The following MYLK4 variants were observed in gnomAD, a reference collection of about 807,000 sequenced individuals.
MYLK4 encodes myosin light chain kinase family member 4.
In MYLK4, 46 loss-of-function variants were observed where a neutral mutation model predicts 48.1. That is an observed-to-expected ratio of 0.96 (90% CI 0.75 to 1.22). The LOEUF (loss-of-function observed/expected upper bound fraction) is 1.22. Among genes scored for constraint, MYLK4 ranks in the 50% most tolerant of loss-of-function variants. The pLI, the probability that MYLK4 is intolerant of heterozygous loss-of-function variation, is 0.00. For synonymous variants in MYLK4, 170 were observed against 180.8 expected, an observed-to-expected ratio of 0.94 and a Z score of 0.48; for missense variants, 451 against 486.1, an observed-to-expected ratio of 0.93 and a Z score of 0.68.
intron 10 of MYLK4, among the ~76,000 whole-genome samples, chr6:2,676,131 A>G (rs1054882777): frequency 1.3e-5 from 2 of 152,108 alleles, no homozygotes; most frequent in Admixed American, 1.3e-4. Context: ...CAAACAAACA[A>G]AAAACCTGTA....
At chr6:2,715,455 C>G (rs1762834300) in intron 2 of MYLK4, among the ~76,000 whole-genome samples, 1 of 152,112 alleles carries the variant, frequency 6.6e-6, no homozygotes, top group Non-Finnish European at 1.5e-5. Context: ...CCAATTTCAT[C>G]TATGTTGCTG....
chr6:2,744,495 G>A (rs1417474214), intron 2 of MYLK4, among the ~76,000 whole-genome samples: 3 of 152,170 alleles, frequency 2.0e-5, no homozygotes, highest in Non-Finnish European at 4.4e-5. Flanking sequence ...CCTCAGCCTT[G>A]TTATTTTGAG....
intron 2 of MYLK4, among the ~76,000 whole-genome samples, chr6:2,727,911 C>T (rs898745951): frequency 2.1e-5 from 3 of 145,774 alleles, no homozygotes; most frequent in Non-Finnish European, 4.5e-5. Context: ...CACGCCACTG[C>T]GCTCCAGCCT....
chr6:2,738,529 G>GCTGGGACTTCA (rs1442111696), intron 2 of MYLK4, among the ~76,000 whole-genome samples: 2 of 152,230 alleles, frequency 1.3e-5, no homozygotes, highest in African/African-American at 2.4e-5. Flanking sequence ...AGCTTAAAAT[G>GCTGGGACTTCA]CTGGGACTTC....
chr6:2,753,899 A>G (rs980705335), upstream of MYLK4, among the ~76,000 whole-genome samples: 1 of 151,728 alleles, frequency 6.6e-6, no homozygotes, highest in South Asian at 2.1e-4. Flanking sequence ...GGTGGCTCAC[A>G]CCTGTAATCC....
intron 2 of MYLK4, among the ~76,000 whole-genome samples, chr6:2,705,222 T>C (rs1382091970): frequency 7.2e-6 from 1 of 139,502 alleles, no homozygotes; most frequent in Non-Finnish European, 1.7e-5. Flanking sequence ...GGTGAGGCCT[T>C]CACTTGGGTT....
the MYLK4 span, chr6:2,765,934 G>A: frequency 6.9e-7 from 1 of 1,449,670 alleles, no homozygotes; most frequent in African/African-American, 1.5e-5. Context: ...ACGGCGGCGA[G>A]ACCGAGAGCC....
chr6:2,730,749 C>A (rs9391964), intron 2 of MYLK4, among the ~76,000 whole-genome samples: 1 of 150,684 alleles, frequency 6.6e-6, no homozygotes, highest in African/African-American at 2.4e-5. Flanking sequence ...TAAAAAAATA[C>A]GAAGTGAAAA....
the MYLK4 span, among the ~76,000 whole-genome samples, chr6:2,764,343 CAGG>C: frequency 6.6e-6 from 1 of 151,970 alleles, no homozygotes; most frequent in African/African-American, 2.4e-5. Context: ...CCCGGGCGCC[CAGG>C]AGTTCAAGGC....
intron 2 of MYLK4, among the ~76,000 whole-genome samples, chr6:2,730,193 C>A (rs1400392187): frequency 6.6e-6 from 1 of 152,204 alleles, no homozygotes; most frequent in African/African-American, 2.4e-5. Flanking sequence ...GCTCCCTTGG[C>A]CAAACCCAAG....
the MYLK4 span, among the ~76,000 whole-genome samples, chr6:2,764,239 CTTT>C: frequency 6.6e-6 from 1 of 152,128 alleles, no homozygotes; most frequent in Non-Finnish European, 1.5e-5. Flanking sequence ...TTGAGCCTAA[CTTT>C]TTTAGTTAGA....
upstream of MYLK4, among the ~76,000 whole-genome samples, chr6:2,754,783 G>T (rs531840259): frequency 6.6e-6 from 1 of 152,134 alleles, no homozygotes; most frequent in Non-Finnish European, 1.5e-5. Context: ...CCAAGGCTGG[G>T]ATCCAGGGAA....
intron 1 of MYLK4, among the ~76,000 whole-genome samples, chr6:2,750,469 A>G (rs1314695208): frequency 6.6e-6 from 1 of 152,230 alleles, no homozygotes; most frequent in Non-Finnish European, 1.5e-5. Flanking sequence ...AAAAATTATT[A>G]AAATAAGGAA....
chr6:2,763,448 C>T, the MYLK4 span, among the ~76,000 whole-genome samples: 3 of 152,182 alleles, frequency 2.0e-5, no homozygotes, highest in Admixed American at 1.3e-4. Context: ...GAGGCTCAGG[C>T]ATGGCAGGCC....
chr6:2,684,332 C>G (rs1448624878), intron 6 of MYLK4, among the ~76,000 whole-genome samples: 4 of 152,158 alleles, frequency 2.6e-5, no homozygotes, highest in Non-Finnish European at 5.9e-5. Context: ...CTACTCAGAA[C>G]AGTGTGCAAT....
intron 2 of MYLK4, among the ~76,000 whole-genome samples, chr6:2,694,979 C>A (rs1762009734): frequency 1.3e-5 from 2 of 151,800 alleles, no homozygotes; most frequent in South Asian, 2.1e-4. Flanking sequence ...ATAGTTGGCA[C>A]CACAGGAGAT....
At chr6:2,680,181 C>T (rs754201669) in intron 8 of MYLK4, 40 bp downstream of exon 8, 6 of 1,606,622 alleles carry the variant, frequency 3.7e-6, no homozygotes, top group Middle Eastern at 1.6e-4. Flanking sequence ...CCATCATGTC[C>T]CCCAGCTCCA....
intron 4 of MYLK4, among the ~76,000 whole-genome samples, chr6:2,686,663 C>T (rs1399114636): frequency 3.9e-5 from 6 of 152,222 alleles, no homozygotes; most frequent in Non-Finnish European, 8.8e-5. Flanking sequence ...GTCATGGCAA[C>T]GCTGGGCAGA....
chr6:2,736,402 CT>C (rs1479877637), intron 2 of MYLK4, among the ~76,000 whole-genome samples: 1 of 152,218 alleles, frequency 6.6e-6, no homozygotes, highest in Non-Finnish European at 1.5e-5. Flanking sequence ...CTACAGGCAC[CT>C]GCCACCACAC....
Sources: gnomAD v4.1 joint callset for allele counts (sites outside exome capture counted in the v4.1 genomes callset) on GRCh38, gnomAD v4.1.1 for gene constraint, MANE v1.5 for transcripts, NCBI Gene and HGNC (gene_info 2026-07-23, HGNC 2026-07-21) for gene names.